STK17A: variants seen among roughly 807,000 people sequenced by gnomAD.
STK17A encodes serine/threonine-protein kinase 17A.
STK17A carries 26 observed loss-of-function variants against 43.7 expected under a neutral mutation model. The ratio of observed to expected loss-of-function variants is 0.60; its 90% CI spans 0.44 to 0.83. The LOEUF (loss-of-function observed/expected upper bound fraction) is 0.83, where lower values mean the gene tolerates loss of function less well. STK17A is among the 40% of genes least tolerant of loss of function. The probability of loss-of-function intolerance (pLI) is 0.00; values close to 1 mark genes in which losing one functional copy is unlikely to be tolerated. For synonymous variants in STK17A, 191 were observed against 182.5 expected (o/e 1.05, Z -0.38); for missense variants, 476 against 511.6 (o/e 0.93, Z 0.67).
At chr7:43,598,639 C>G (rs568778454) in intron 2 of STK17A, among the ~76,000 whole-genome samples, 138 of 152,226 alleles carry the variant, frequency 9.1e-4, no homozygotes, top group Non-Finnish European at 1.5e-3. Flanking sequence ...TGAGTCATCA[C>G]CATATATGCA....
At chr7:43,595,814 A>T (rs564626358) in intron 1 of STK17A, 87 bp from the exon 2 acceptor site, 1 of 1,255,648 alleles carries the variant, frequency 8.0e-7, no homozygotes, top group Non-Finnish European at 1.1e-6. Context: ...TTGAATATCT[A>T]CCAATGGGTA....
In STK17A at chr7:43,624,692, T is replaced by C. The variant is rs765518197; in HGVS notation, c.1095T>C (p.Ile365=). Residue 365 remains isoleucine (I), a synonymous_variant, in exon 7 of 7, where the codon ATT becomes ATC. Transcript: ENST00000319357. Reference sequence around the variant, plus strand: ...ACAAATCAGAAACCAAGGAATCCATTGTAACCGAAGAGTTAATTGTAGTTA... The same window carrying C: ...ACAAATCAGAAACCAAGGAATCCATCGTAACCGAAGAGTTAATTGTAGTTA... ...DTDKSETKES[I]VTEELIVVTS... The C allele has an allele frequency of 3.1e-6, 5 of 1,614,112 alleles. No individual in the cohort carries two copies. The highest frequency in any genetic ancestry group is 1.1e-5 in the South Asian group (1 of 91,082).
chr7:43,587,451 C>T (rs1167889314), intron 1 of STK17A, among the ~76,000 whole-genome samples: 1 of 151,248 alleles, frequency 6.6e-6, no homozygotes, highest in Non-Finnish European at 1.5e-5. Context: ...TAGGGATGTC[C>T]TATCTCATTC....
chr7:43,585,482 A>T (rs1009226341), intron 1 of STK17A, among the ~76,000 whole-genome samples: 27 of 151,566 alleles, frequency 1.8e-4, no homozygotes, highest in Non-Finnish European at 3.5e-4. Flanking sequence ...TCTTACATAA[A>T]TTTCTTTACA....
rs768529636 is a variant in STK17A at position 43,624,539 on chromosome 7, A to G, written c.942A>G (p.Glu314=). ...ACAGAGATCGAGCCACTGCTGAAGA[A>G]TGTCTAAAGCACCCCTGGTTGACAC... ...KKPEDRATAE[E]CLKHPWLTQS... Residue 314 remains glutamate (E), a synonymous_variant, in exon 7 of 7, where the codon GAA becomes GAG. Transcript: ENST00000319357. The G allele has an allele frequency of 1.2e-4, 188 of 1,612,716 alleles. No individual in the cohort carries two copies. Among genetic ancestry groups the G allele is most frequent in the Non-Finnish European group, 1.5e-4 (178 of 1,179,334 alleles).
At chr7:43,590,514 A>G (rs370087817) in intron 1 of STK17A, among the ~76,000 whole-genome samples, 1 of 151,600 alleles carries the variant, frequency 6.6e-6, no homozygotes, top group East Asian at 1.9e-4. Context: ...TAGTTCTGAA[A>G]TGTATTCATT....
intron 1 of STK17A, among the ~76,000 whole-genome samples, chr7:43,587,089 C>T (rs1413955093): frequency 6.7e-6 from 1 of 148,942 alleles, no homozygotes; most frequent in Non-Finnish European, 1.5e-5. Flanking sequence ...AATTTGTAGT[C>T]TGTATCTTAT....
intron 2 of STK17A, among the ~76,000 whole-genome samples, chr7:43,605,193 T>A (rs1056839981): frequency 2.0e-5 from 3 of 152,252 alleles, no homozygotes; most frequent in African/African-American, 7.2e-5. Context: ...TTGTGAATTG[T>A]AATTTGTGGC....
At chr7:43,616,846 G>A (rs1417059018) in intron 3 of STK17A, among the ~76,000 whole-genome samples, 3 of 152,162 alleles carry the variant, frequency 2.0e-5, no homozygotes, top group African/African-American at 7.2e-5. Flanking sequence ...GCAGTAAGCC[G>A]AGATCGCGCC....
At chr7:43,615,006 C>T (rs1016327758) in intron 3 of STK17A, among the ~76,000 whole-genome samples, 1 of 152,118 alleles carries the variant, frequency 6.6e-6, no homozygotes, top group African/African-American at 2.4e-5. Flanking sequence ...ACAAGAAAAT[C>T]TCAAGATTTG....
At chr7:43,590,462 T>G (rs1295621113) in intron 1 of STK17A, among the ~76,000 whole-genome samples, 1 of 151,458 alleles carries the variant, frequency 6.6e-6, no homozygotes, top group Non-Finnish European at 1.5e-5. Flanking sequence ...ATTGTTTATG[T>G]ATCTTACCTT....
At chr7:43,623,009 A>T (rs1331185512) in intron 4 of STK17A, 1 of 152,410 alleles carries the variant, frequency 6.6e-6, no homozygotes, top group Admixed American at 6.5e-5. Flanking sequence ...TCTCAATTCT[A>T]TAGATGCAAC....
At chr7:43,595,879 G>T in intron 1 of STK17A, 22 bp from the exon 2 acceptor site, 7 of 1,607,886 alleles carry the variant, frequency 4.4e-6, no homozygotes, top group South Asian at 1.1e-5. Context: ...CTTTAACAGT[G>T]AATGTTTTTG....
In STK17A at chr7:43,596,131, T is replaced by A. The variant is rs751788816; in HGVS notation, c.419+18T>A. 1 of 1,592,802 alleles carries A rather than the reference T, an allele frequency of 6.3e-7. No individual in the cohort carries two copies. Among genetic ancestry groups the A allele is most frequent in the South Asian group, 1.1e-5 (1 of 88,568 alleles). On this transcript the variant is annotated intron_variant, in intron 2 of 6. Coordinates refer to ENST00000319357, the MANE Select transcript of STK17A (RefSeq NM_004760.3). ...CTGGAATAGTAAGTATTGTCTTTCTTAGATTAAGTTTGTTTGGTAGTCTAC... is the reference window on the plus strand; with the variant it reads ...CTGGAATAGTAAGTATTGTCTTTCTAAGATTAAGTTTGTTTGGTAGTCTAC...
intron 1 of STK17A, among the ~76,000 whole-genome samples, chr7:43,594,720 T>G (rs933606455): frequency 1.3e-5 from 2 of 152,086 alleles, no homozygotes; most frequent in Non-Finnish European, 2.9e-5. Flanking sequence ...CTTTAATTCT[T>G]AGAACCCTGT....
At chr7:43,623,642 T>C (rs1040597456) in intron 5 of STK17A, 22 bp downstream of exon 5, 1 of 1,607,672 alleles carries the variant, frequency 6.2e-7, no homozygotes, top group African/African-American at 1.3e-5. Context: ...TAATGAAAAA[T>C]TGATCAAATT....
At chr7:43,619,236 A>G (rs935953059) in intron 3 of STK17A, among the ~76,000 whole-genome samples, 2 of 152,210 alleles carry the variant, frequency 1.3e-5, no homozygotes, top group African/African-American at 2.4e-5. Flanking sequence ...TGAGAAAACA[A>G]TACCAATTGT....
rs1248413518 is a variant in STK17A, at chr7:43,584,336, G to A, written c.206+887G>A. On this transcript the variant is annotated intron_variant, in intron 1 of 6. Coordinates refer to ENST00000319357, the MANE Select transcript of STK17A (RefSeq NM_004760.3). ...TTCATATTCGTGCCCTTCTTGCTGT[G>A]TTTGCCTTTGGAGGGGTTAGACTCT... 3.9e-5 allele frequency among the ~76,000 whole-genome samples: 6 copies of A among 152,160 alleles called. No homozygotes were observed. In the East Asian group the frequency reaches 1.2e-3, roughly 29 times the overall value.
At chr7:43,615,712 C>T (rs2083282502) in intron 3 of STK17A, among the ~76,000 whole-genome samples, 1 of 152,174 alleles carries the variant, frequency 6.6e-6, no homozygotes. Context: ...ACTCGTACCC[C>T]TTTTGCCTTG....
Sources: gnomAD v4.1 joint callset for allele counts (sites outside exome capture counted in the v4.1 genomes callset) on GRCh38, gnomAD v4.1.1 for gene constraint, MANE v1.5 for transcripts, NCBI Gene and HGNC (gene_info 2026-07-23, HGNC 2026-07-21) for gene names.